WASHC3: variants seen among roughly 807,000 people sequenced by gnomAD.
WASHC3 encodes the protein WASH complex subunit 3.
A neutral mutation model predicts 26.1 loss-of-function variants in WASHC3; 24 were observed. The observed-to-expected ratio is 0.92, with a 90% CI of 0.66 to 1.29. The LOEUF (loss-of-function observed/expected upper bound fraction) is 1.29. Among genes scored for constraint, WASHC3 ranks in the 50% most tolerant of loss-of-function variants. The probability of loss-of-function intolerance (pLI) is 0.00; values close to 1 mark genes in which losing one functional copy is unlikely to be tolerated. For synonymous variants in WASHC3, 77 were observed against 75.7 expected (o/e 1.02, Z -0.09); for missense variants, 214 against 229.6 (o/e 0.93, Z 0.44).
intron 5 of WASHC3, among the ~76,000 whole-genome samples, chr12:102,033,810 T>C: frequency 6.6e-6 from 1 of 151,818 alleles, no homozygotes; most frequent in South Asian, 2.1e-4. Flanking sequence ...AAAGCTGACA[T>C]GTAGGCTTCT....
chr12:102,039,718 G>T (rs1594361730), intron 5 of WASHC3, 150 bp downstream of exon 5: 1 of 383,488 alleles, frequency 2.6e-6, no homozygotes. Flanking sequence ...TTTAATCAGA[G>T]AATTAAAATA....
chr12:102,037,890 G>A (rs1877741640), intron 5 of WASHC3, among the ~76,000 whole-genome samples: 2 of 151,972 alleles, frequency 1.3e-5, no homozygotes, highest in South Asian at 4.2e-4. Context: ...CCGCCTCCTG[G>A]GTTCAAGCGA....
chr12:102,062,019 C>T, upstream of WASHC3: 3 of 1,447,000 alleles, frequency 2.1e-6, no homozygotes, highest in Non-Finnish European at 2.9e-6. Flanking sequence ...AGATGGGGCC[C>T]GCCCAACCCG....
chr12:102,061,335 A>T lies in WASHC3; in HGVS notation c.63T>A (p.Ile21=), dbSNP rs751109503. Residue 21 remains isoleucine (I), a synonymous_variant, in exon 2 of 7, where the codon ATT becomes ATA. Transcript: ENST00000240079. ...SGIDLTKVPA[I]QQKRTVAFLN... ...GAAAAGCCACCGTTCTTTTCTGTTG[A>T]ATAGCTGGCACCTGTGTTACGTAAA... 1.2e-6 allele frequency: 2 copies of T among 1,612,074 alleles called. No individual in the cohort carries two copies. The highest frequency in any genetic ancestry group is 2.2e-5 in the South Asian group (2 of 90,994).
intron 5 of WASHC3, among the ~76,000 whole-genome samples, chr12:102,034,335 A>T (rs1877561890): frequency 6.6e-6 from 1 of 152,294 alleles, no homozygotes; most frequent in African/African-American, 2.4e-5. Context: ...TGAATGGTTC[A>T]ATGGTACAAA....
Position 102,059,929 on chromosome 12 carries a change from A to G in WASHC3, c.150+1319T>C, listed in dbSNP as rs1878736110. On this transcript the variant is annotated intron_variant, in intron 2 of 6. Transcript: ENST00000240079. ...AAGCACCTAGTTTCTGGCCATTAAC[A>G]TATAAAACTAAATTGAATTAAGCCC... is the stretch of plus-strand genomic sequence containing the variant. 5.3e-5 allele frequency: 8 copies of G among 152,360 alleles called. No homozygotes were observed. The South Asian group carries it at 1.7e-3, about 32-fold the overall frequency. The allele number at this position is 152,360 out of a possible 1,614,324, so 9.4% of individuals were successfully genotyped here. A position where few individuals can be genotyped will look rare whatever the true frequency, so the allele number is the denominator to read the frequency against.
intron 2 of WASHC3, among the ~76,000 whole-genome samples, chr12:102,056,193 A>G (rs1878587025): frequency 6.6e-6 from 1 of 152,238 alleles, no homozygotes; most frequent in Non-Finnish European, 1.5e-5. Flanking sequence ...AGGCATATAT[A>G]TGGCAATGGT....
chr12:102,029,095 T>C (rs1216350132), intron 5 of WASHC3, among the ~76,000 whole-genome samples: 5 of 152,232 alleles, frequency 3.3e-5, no homozygotes, highest in Admixed American at 6.5e-5. Context: ...TTCCAAAGAA[T>C]GCATTCCCAA....
intron 6 of WASHC3, among the ~76,000 whole-genome samples, chr12:102,018,996 G>A (rs763822855): frequency 4.1e-4 from 62 of 151,834 alleles, no homozygotes; most frequent in Middle Eastern, 3.4e-3. Flanking sequence ...ACAGGGTTTC[G>A]CCATGTTGGC....
chr12:102,054,717 T>G lies in WASHC3; in HGVS notation c.150+6531A>C, dbSNP rs76078998. Among the ~76,000 whole-genome samples, 1,069 of 152,328 alleles carry G rather than the reference T, an allele frequency of 7.0e-3. 10 individuals carry two copies. The highest frequency in any genetic ancestry group is 0.023 in the African/African-American group (952 of 41,564). On this transcript the variant is annotated intron_variant, in intron 2 of 6. Coordinates refer to ENST00000240079, the MANE Select transcript of WASHC3 (RefSeq NM_016053.4). ...CTGAAATCGTATCAAGTATCTTTTC[T>G]GACCATATTGGTTTGAAACCAGAAA...
chr12:102,028,191 A>G (rs767177429), intron 5 of WASHC3, among the ~76,000 whole-genome samples: 3 of 152,206 alleles, frequency 2.0e-5, no homozygotes, highest in Non-Finnish European at 2.9e-5. Flanking sequence ...ATCTAAAACT[A>G]AGACTTGAAT....
At chr12:102,031,945 T>C (rs921495489) in intron 5 of WASHC3, among the ~76,000 whole-genome samples, 1 of 152,162 alleles carries the variant, frequency 6.6e-6, no homozygotes, top group Non-Finnish European at 1.5e-5. Context: ...CTACCTGGAG[T>C]TCTCTAAACC....
intron 2 of WASHC3, among the ~76,000 whole-genome samples, chr12:102,048,628 T>C (rs918745721): frequency 2.3e-5 from 3 of 132,626 alleles, no homozygotes; most frequent in South Asian, 2.2e-4. Flanking sequence ...CTGTCACCAA[T>C]AGAAATCATA....
At chr12:102,039,616 G>GT (rs1877852489) in intron 5 of WASHC3, among the ~76,000 whole-genome samples, 1 of 151,100 alleles carries the variant, frequency 6.6e-6, no homozygotes, top group Non-Finnish European at 1.5e-5. Context: ...TGATAACTTT[G>GT]TGTAATGCAA....
At chr12:102,060,956 CAAAAAAAAAAAAA>C (rs56001519) in intron 2 of WASHC3, among the ~76,000 whole-genome samples, 4 of 55,632 alleles carry the variant, frequency 7.2e-5, no homozygotes, top group Admixed American at 4.7e-4. Context: ...CCCTGTCTCA[CAAAAAAAAAAAAA>C]AAAAAAAAAA....
chr12:102,054,480 C>T (rs1017922469), intron 2 of WASHC3, among the ~76,000 whole-genome samples: 1 of 152,196 alleles, frequency 6.6e-6, no homozygotes, highest in Non-Finnish European at 1.5e-5. Flanking sequence ...GAGTTTGAGA[C>T]TAGCCTGGGC....
At chr12:102,061,394 A>T (rs757304347) in intron 1 of WASHC3, 48 bp from the exon 2 acceptor site, 1 of 1,221,938 alleles carries the variant, frequency 8.2e-7, no homozygotes, top group Non-Finnish European at 1.2e-6. Flanking sequence ...GAACGTACAC[A>T]GTGCAAATCT....
Position 102,013,197 on chromosome 12 carries a change from A to G in WASHC3, c.501-5T>C. The stretch of plus-strand genomic sequence containing the variant: ...GGCACTGGAGCATCTGGCCTCCTAA[A>G]AGAAAAGAAAAAAAAATTTCAAAGG... On this transcript the variant is annotated splice_polypyrimidine_tract_variant and splice_region_variant and intron_variant, in intron 6 of 6. Coordinates refer to ENST00000240079, the MANE Select transcript of WASHC3 (RefSeq NM_016053.4). The G allele has an allele frequency of 6.8e-7, 1 of 1,464,908 alleles. No homozygotes were observed. The highest frequency in any genetic ancestry group is 9.3e-7 in the Non-Finnish European group (1 of 1,076,714). The allele number at this position is 1,464,908 out of a possible 1,614,324, so 90.7% of individuals were successfully genotyped here.
intron 2 of WASHC3, among the ~76,000 whole-genome samples, chr12:102,051,419 T>C (rs927506984): frequency 6.6e-6 from 1 of 152,256 alleles, no homozygotes. Context: ...AATGGCACCT[T>C]ACATTTGAAT....
Sources: gnomAD v4.1 joint callset for allele counts (sites outside exome capture counted in the v4.1 genomes callset) on GRCh38, gnomAD v4.1.1 for gene constraint, MANE v1.5 for transcripts, NCBI Gene and HGNC (gene_info 2026-07-23, HGNC 2026-07-21) for gene names.